The following CNTNAP5 variants were observed in gnomAD, a reference collection of about 807,000 sequenced individuals.
CNTNAP5 encodes the protein contactin associated protein family member 5.
In CNTNAP5, 72 loss-of-function variants were observed where a neutral mutation model predicts 150.2. The ratio of observed to expected loss-of-function variants is 0.48; its 90% CI spans 0.40 to 0.58. CNTNAP5 has a LOEUF of 0.58. Ranked by LOEUF, CNTNAP5 falls within the 20% of genes least tolerant of loss-of-function variation. The pLI is 0.00. For synonymous variants in CNTNAP5, 672 were observed against 619.8 expected (o/e 1.08, Z -1.25); for missense variants, 1,636 against 1,626.2 (o/e 1.01, Z -0.10).
chr2:124,757,164 A>G lies in CNTNAP5; in HGVS notation c.2235-6508A>G, dbSNP rs112276003. Among the ~76,000 whole-genome samples the G allele has an allele frequency of 7.9e-3, 1,202 of 152,280 alleles. 11 individuals are homozygous for G. The highest frequency in any genetic ancestry group is 0.012 in the Non-Finnish European group (844 of 68,016). ...TAACTGATGGATCTGCCCTGTGTGTAAATAAACCAAGAGATTCCTTGTGAA... is the reference window on the plus strand; with the variant it reads ...TAACTGATGGATCTGCCCTGTGTGTGAATAAACCAAGAGATTCCTTGTGAA... On this transcript the variant is annotated intron_variant, in intron 14 of 23. Coordinates refer to ENST00000682447, the MANE Select transcript of CNTNAP5 (RefSeq NM_001367498.1).
intron 13 of CNTNAP5, among the ~76,000 whole-genome samples, chr2:124,697,459 G>A (rs1679427919): frequency 6.6e-6 from 1 of 152,042 alleles, no homozygotes; most frequent in African/African-American, 2.4e-5. Context: ...TTTGTAGAAT[G>A]ATCCCCTCAT....
intron 1 of CNTNAP5, among the ~76,000 whole-genome samples, chr2:124,150,157 A>T (rs1684370923): frequency 6.6e-6 from 1 of 152,202 alleles, no homozygotes; most frequent in African/African-American, 2.4e-5. Flanking sequence ...ATTTCCGATT[A>T]AAAAAGGAAC....
At chr2:124,814,971 C>T (rs538876994) in intron 19 of CNTNAP5, among the ~76,000 whole-genome samples, 18 of 152,096 alleles carry the variant, frequency 1.2e-4, no homozygotes, top group Non-Finnish European at 2.5e-4. Context: ...TTTGAATTGC[C>T]CACCTTAGGT....
At chr2:124,521,122 G>T (rs1181167105) in intron 8 of CNTNAP5, among the ~76,000 whole-genome samples, 1 of 152,076 alleles carries the variant, frequency 6.6e-6, no homozygotes, top group Non-Finnish European at 1.5e-5. Flanking sequence ...CAATGACATG[G>T]CTCCTGACCC....
intron 21 of CNTNAP5, among the ~76,000 whole-genome samples, chr2:124,871,563 C>T (rs186443882): frequency 1.3e-5 from 2 of 152,208 alleles, no homozygotes; most frequent in East Asian, 3.9e-4. Flanking sequence ...AGGACTTTCC[C>T]TACCTCTTCC....
chr2:124,585,241 C>G (rs1338243086), intron 11 of CNTNAP5, among the ~76,000 whole-genome samples: 1 of 152,094 alleles, frequency 6.6e-6, no homozygotes, highest in African/African-American at 2.4e-5. Flanking sequence ...CTCTTTTCAG[C>G]TGATAGAGAG....
chr2:124,506,626 GT>G (rs2104865954), intron 8 of CNTNAP5, among the ~76,000 whole-genome samples: 1 of 152,304 alleles, frequency 6.6e-6, no homozygotes, highest in Non-Finnish European at 1.5e-5. Flanking sequence ...GTATTAATAT[GT>G]TTTCTCCTTC....
chr2:124,428,763 A>G (rs1692299802), intron 4 of CNTNAP5, among the ~76,000 whole-genome samples: 1 of 152,054 alleles, frequency 6.6e-6, no homozygotes. Context: ...ACCTTAGGTA[A>G]TGTGTGTATA....
At chr2:124,864,180 C>T (rs1677580453) in intron 19 of CNTNAP5, among the ~76,000 whole-genome samples, 1 of 152,064 alleles carries the variant, frequency 6.6e-6, no homozygotes, top group Admixed American at 6.6e-5. Context: ...TACCCCATGG[C>T]AATTTTTAAA....
chr2:124,123,199 C>T (rs1373817686), intron 1 of CNTNAP5, among the ~76,000 whole-genome samples: 1 of 152,140 alleles, frequency 6.6e-6, no homozygotes, highest in Non-Finnish European at 1.5e-5. Context: ...GACACTCCCA[C>T]CCTAATACTG....
intron 19 of CNTNAP5, among the ~76,000 whole-genome samples, chr2:124,804,925 G>A (rs1305780559): frequency 6.6e-6 from 1 of 152,104 alleles, no homozygotes; most frequent in Non-Finnish European, 1.5e-5. Context: ...TGAATGATCT[G>A]CATCCTGGGG....
Position 124,798,143 on chromosome 2 carries a change from C to A in CNTNAP5, c.3040C>A (p.Gln1014Lys). ...EAGTSVTYMF[Q>K]EPYPVTKNIS... is the part of the protein sequence containing the mutation. Reference sequence around the variant, plus strand: ...TGGCACGTCGGTTACTTACATGTTTCAAGAACCCTATCCTGTGACCAAGAA... The same window carrying A: ...TGGCACGTCGGTTACTTACATGTTTAAAGAACCCTATCCTGTGACCAAGAA... The change falls in exon 19 of 24, where the codon CAA (glutamine) becomes AAA (lysine). Residue 1014 changes from glutamine to lysine, a missense_variant. Physicochemically the swap from Gln to Lys is moderately conservative, Grantham distance 53. Coordinates refer to ENST00000682447, the MANE Select transcript of CNTNAP5 (RefSeq NM_001367498.1). The A allele has an allele frequency of 6.2e-7, 1 of 1,613,530 alleles. No individual in the cohort carries two copies. Among genetic ancestry groups the A allele is most frequent in the Non-Finnish European group, 8.5e-7 (1 of 1,179,674 alleles).
intron 1 of CNTNAP5, among the ~76,000 whole-genome samples, chr2:124,168,889 A>T (rs1223235473): frequency 6.6e-6 from 1 of 152,144 alleles, no homozygotes; most frequent in Non-Finnish European, 1.5e-5. Context: ...GGAACTTTGG[A>T]GTTGATGTAA....
chr2:124,361,995 G>A (rs957006328), intron 3 of CNTNAP5, among the ~76,000 whole-genome samples: 16 of 152,208 alleles, frequency 1.1e-4, no homozygotes, highest in Admixed American at 2.0e-4. Context: ...AGCCAGGTGC[G>A]GGATATAATC....
chr2:124,452,538 A>G (rs751238895), intron 6 of CNTNAP5, among the ~76,000 whole-genome samples: 11 of 152,108 alleles, frequency 7.2e-5, no homozygotes, highest in Admixed American at 2.0e-4. Flanking sequence ...CCATACTACT[A>G]AGGCTGATGC....
intron 1 of CNTNAP5, among the ~76,000 whole-genome samples, chr2:124,110,662 A>C (rs970601470): frequency 3.3e-5 from 5 of 152,118 alleles, no homozygotes; most frequent in African/African-American, 7.2e-5. Flanking sequence ...TGGTATCCTC[A>C]TTTTATAGAC....
chr2:124,743,125 A>C (rs2105140432), intron 13 of CNTNAP5, among the ~76,000 whole-genome samples: 1 of 152,300 alleles, frequency 6.6e-6, no homozygotes, highest in African/African-American at 2.4e-5. Context: ...TTTTCAAAGC[A>C]AAATTGTGGA....
intron 11 of CNTNAP5, among the ~76,000 whole-genome samples, chr2:124,589,093 C>G (rs1380780335): frequency 6.6e-6 from 1 of 152,116 alleles, no homozygotes; most frequent in Non-Finnish European, 1.5e-5. Context: ...TGGTTTGTAG[C>G]ATACTCACCT....
intron 19 of CNTNAP5, among the ~76,000 whole-genome samples, chr2:124,854,715 C>T (rs17012082): frequency 0.068 from 10,290 of 152,268 alleles, 1,118 homozygotes; most frequent in African/African-American, 0.23. Flanking sequence ...ATGTTATTCT[C>T]TTTAGACACA....
Sources: gnomAD v4.1 joint callset for allele counts (sites outside exome capture counted in the v4.1 genomes callset) on GRCh38, gnomAD v4.1.1 for gene constraint, MANE v1.5 for transcripts, NCBI Gene and HGNC (gene_info 2026-07-23, HGNC 2026-07-21) for gene names.